Variants in MYO3A observed in about 807,000 individuals in gnomAD.
MYO3A encodes myosin-IIIa.
Under a neutral mutation model 192.7 loss-of-function variants are expected in MYO3A, and 180 were observed. The ratio of observed to expected loss-of-function variants is 0.93; its 90% confidence interval spans 0.83 to 1.06. The LOEUF (loss-of-function observed/expected upper bound fraction) is 1.06, where lower values mean the gene tolerates loss of function less well. Among genes scored for constraint, MYO3A ranks in the 50% least tolerant of loss-of-function variants. The pLI is 0.00. For synonymous variants in MYO3A, 628 were observed against 645.3 expected, an observed-to-expected ratio of 0.97 and a Z score of 0.41; for missense variants, 1,896 against 1,905.0, an observed-to-expected ratio of 1.00 and a Z score of 0.09.
intron 18 of MYO3A, among the ~76,000 whole-genome samples, chr10:26,124,869 G>A (rs1327438747): frequency 2.0e-5 from 3 of 152,142 alleles, no homozygotes; most frequent in Admixed American, 2.0e-4. Context: ...AGGATGATAT[G>A]TACATGAATG....
intron 4 of MYO3A, among the ~76,000 whole-genome samples, 197 bp downstream of exon 4, chr10:25,955,205 T>C (rs1455809859): frequency 6.6e-6 from 1 of 152,130 alleles, no homozygotes; most frequent in East Asian, 1.9e-4. Flanking sequence ...CAAAGACTAG[T>C]AAATATTAAA....
chr10:26,211,431 T>C (rs1844213092), intron 34 of MYO3A, among the ~76,000 whole-genome samples: 1 of 152,168 alleles, frequency 6.6e-6, no homozygotes, highest in African/African-American at 2.4e-5. Context: ...ATCTGAGCAG[T>C]TTTAAAATGC....
chr10:25,983,071 C>T (rs1235802932), intron 4 of MYO3A, among the ~76,000 whole-genome samples: 3 of 151,884 alleles, frequency 2.0e-5, no homozygotes, highest in Admixed American at 6.6e-5. Flanking sequence ...AAGGAAAATT[C>T]TTCAGTGAAA....
At chr10:25,968,240 T>C (rs951615493) in intron 4 of MYO3A, among the ~76,000 whole-genome samples, 2 of 152,202 alleles carry the variant, frequency 1.3e-5, no homozygotes, top group African/African-American at 4.8e-5. Context: ...TCAAATGCAA[T>C]GGAATGACAT....
chr10:25,973,087 C>T (rs191168154), intron 4 of MYO3A, among the ~76,000 whole-genome samples: 322 of 152,292 alleles, frequency 2.1e-3, no homozygotes, highest in African/African-American at 7.1e-3. Flanking sequence ...TGGTCATTTT[C>T]ATGACATTGA....
At chr10:26,129,989 T>C (rs1839438202) in intron 20 of MYO3A, among the ~76,000 whole-genome samples, 1 of 152,212 alleles carries the variant, frequency 6.6e-6, no homozygotes, top group African/African-American at 2.4e-5. Flanking sequence ...GTGACTTGCA[T>C]TGGTAGATCT....
chr10:26,211,907 T>C lies in MYO3A; in HGVS notation c.4795T>C (p.Phe1599Leu). The C allele has an allele frequency of 1.9e-6, 3 of 1,613,850 alleles. No individual in the cohort carries two copies. The highest frequency in any genetic ancestry group is 2.5e-6 in the Non-Finnish European group (3 of 1,179,970). Residue 1599 changes from phenylalanine (F) to leucine (L), a missense_variant, in exon 35 of 35, where the codon TTC (phenylalanine) becomes CTC (leucine). Phe to Leu is a conservative substitution (Grantham distance 22). Transcript: ENST00000642920. Reference protein sequence around the residue: ...EREPAANPYDFRRLLRKTSQR... With the variant: ...EREPAANPYDLRRLLRKTSQR... Reference sequence around the variant, plus strand: ...AGAGCCAGCAGCCAACCCCTACGACTTCAGGAGGCTCCTGCGCAAAACCTC... The same window carrying C: ...AGAGCCAGCAGCCAACCCCTACGACCTCAGGAGGCTCCTGCGCAAAACCTC...
intron 26 of MYO3A, among the ~76,000 whole-genome samples, chr10:26,158,446 G>T (rs1262294112): frequency 6.6e-6 from 1 of 151,724 alleles, no homozygotes; most frequent in Non-Finnish European, 1.5e-5. Flanking sequence ...AGTAGAGATG[G>T]GGGTTTCACC....
In MYO3A at chr10:26,007,497, G is replaced by A. The variant is rs185275253; in HGVS notation, c.509-9323G>A. Among the ~76,000 whole-genome samples the A allele has an allele frequency of 4.9e-3, 746 of 151,922 alleles. 6 individuals are homozygous for A. Among genetic ancestry groups the A allele is most frequent in the African/African-American group, 0.017 (703 of 41,400 alleles). On this transcript the variant is annotated intron_variant, in intron 6 of 34. Transcript: ENST00000642920. ...TCTAGAAAACCCCATCGTCTCAGCT[G>A]AAAATCTGCTTAAGCTGATAAGCAA...
intron 4 of MYO3A, among the ~76,000 whole-genome samples, chr10:25,977,009 T>C (rs1432825256): frequency 1.3e-5 from 2 of 152,176 alleles, no homozygotes; most frequent in African/African-American, 4.8e-5. Context: ...AGTTTGAATA[T>C]TATCTTGTTA....
intron 11 of MYO3A, among the ~76,000 whole-genome samples, chr10:26,067,301 C>A (rs1167621053): frequency 6.6e-6 from 1 of 152,192 alleles, no homozygotes; most frequent in East Asian, 1.9e-4. Context: ...ACTCAAATTT[C>A]CAGATCTTTC....
At position 26,008,280 on chromosome 10, in the gene MYO3A, C is replaced by G. The variant is rs1841372244; in HGVS notation, c.509-8540C>G. On this transcript the variant is annotated intron_variant, in intron 6 of 34. Coordinates refer to ENST00000642920, the MANE Select transcript of MYO3A (RefSeq NM_017433.5). ...CATTAGACCTAAAACCATAAAAACC[C>G]TAGAAGAAAACCTAGGCATTACCAT... Among the ~76,000 whole-genome samples, 2 of 148,000 alleles carry G rather than the reference C, an allele frequency of 1.4e-5. 1 individual carries two copies. The highest frequency in any genetic ancestry group is 4.2e-4 in the South Asian group (2 of 4,766).
At chr10:25,948,166 A>T (rs1588640200) in intron 2 of MYO3A, among the ~76,000 whole-genome samples, 1 of 152,328 alleles carries the variant, frequency 6.6e-6, no homozygotes, top group East Asian at 1.9e-4. Context: ...GAGGGAACAC[A>T]GATAACCCAA....
At chr10:25,956,495 ATTTTTT>A (rs562368305) in intron 4 of MYO3A, among the ~76,000 whole-genome samples, 1 of 128,846 alleles carries the variant, frequency 7.8e-6, no homozygotes, top group East Asian at 2.2e-4. Context: ...GCCCAGCTAA[ATTTTTT>A]TTTTTTTTTT....
intron 14 of MYO3A, among the ~76,000 whole-genome samples, chr10:26,078,446 G>T (rs1447996496): frequency 2.0e-5 from 3 of 151,734 alleles, no homozygotes; most frequent in Admixed American, 6.6e-5. Flanking sequence ...TCTTTTCAAA[G>T]AACCAGCTTT....
At chr10:25,972,687 A>C (rs751861456) in intron 4 of MYO3A, among the ~76,000 whole-genome samples, 12 of 152,170 alleles carry the variant, frequency 7.9e-5, no homozygotes, top group Non-Finnish European at 1.5e-5. Context: ...ACTCTTCAGC[A>C]AGCACAGCTT....
rs111430129 is a variant in MYO3A at position 25,996,207 on chromosome 10, T to C, written c.304-283T>C. On this transcript the variant is annotated intron_variant, in intron 4 of 34. Coordinates refer to ENST00000642920, the MANE Select transcript of MYO3A (RefSeq NM_017433.5). ...CTACTCAAGCCTCAGCAATGGCGGG[T>C]GCCCCTCCCCATAATTCTTATCCTT... is the stretch of plus-strand genomic sequence containing the variant. Among the ~76,000 whole-genome samples, 14,562 of 152,006 alleles carry C rather than the reference T, an allele frequency of 0.096. 1,240 individuals carry two copies. The highest frequency in any genetic ancestry group is 0.22 in the African/African-American group (9,084 of 41,512).
intron 29 of MYO3A, among the ~76,000 whole-genome samples, chr10:26,171,582 G>A (rs1303543976): frequency 6.6e-6 from 1 of 152,088 alleles, no homozygotes; most frequent in African/African-American, 2.4e-5. Flanking sequence ...GATACATTTG[G>A]TGTTTTCAGT....
chr10:25,998,872 A>T (rs2130914383), intron 6 of MYO3A, among the ~76,000 whole-genome samples: 1 of 152,264 alleles, frequency 6.6e-6, no homozygotes, highest in African/African-American at 2.4e-5. Flanking sequence ...ATAACAAATA[A>T]GGCAACCTTT....
Sources: gnomAD v4.1 joint callset for allele counts (sites outside exome capture counted in the v4.1 genomes callset) on GRCh38, gnomAD v4.1.1 for gene constraint, MANE v1.5 for transcripts, NCBI Gene and HGNC (gene_info 2026-07-23, HGNC 2026-07-21) for gene names.